Variants in NEIL3 observed in about 807,000 individuals in gnomAD.
NEIL3 encodes nei like DNA glycosylase 3, also known as endonuclease 8-like 3.
A neutral mutation model predicts 57.5 loss-of-function variants in NEIL3; 48 were observed. That is an observed-to-expected ratio of 0.83 (90% CI 0.66 to 1.06). NEIL3 has a LOEUF of 1.06. Among genes scored for constraint, NEIL3 ranks in the 50% least tolerant of loss-of-function variants. The probability of loss-of-function intolerance (pLI) is 0.00; values close to 1 mark genes in which losing one functional copy is unlikely to be tolerated. For synonymous variants in NEIL3, 261 were observed against 253.2 expected (o/e 1.03, Z -0.29); for missense variants, 717 against 739.1 (o/e 0.97, Z 0.35).
chr4:177,311,325 A>C (rs886067247), intron 1 of NEIL3, among the ~76,000 whole-genome samples: 2 of 152,114 alleles, frequency 1.3e-5, no homozygotes, highest in African/African-American at 4.8e-5. Context: ...GGAGAGATAC[A>C]CGATTCTTTA....
intron 1 of NEIL3, among the ~76,000 whole-genome samples, chr4:177,312,477 T>A (rs147590419): frequency 6.6e-6 from 1 of 152,238 alleles, no homozygotes; most frequent in Non-Finnish European, 1.5e-5. Context: ...ATTTTTAGTT[T>A]TGTTCGGTTG....
intron 4 of NEIL3, 92 bp downstream of exon 4, chr4:177,336,413 C>G: frequency 1.1e-6 from 1 of 911,994 alleles, no homozygotes; most frequent in Non-Finnish European, 1.7e-6. Context: ...TTCAGTAACA[C>G]AGTCTCATCA....
intron 2 of NEIL3, among the ~76,000 whole-genome samples, chr4:177,334,845 C>T (rs142739763): frequency 4.6e-5 from 7 of 152,268 alleles, no homozygotes; most frequent in East Asian, 1.9e-4. Context: ...ATTTGAAAGG[C>T]GGATCACAGT....
chr4:177,326,838 T>A (rs1734788360), intron 2 of NEIL3, among the ~76,000 whole-genome samples: 1 of 152,194 alleles, frequency 6.6e-6, no homozygotes, highest in Non-Finnish European at 1.5e-5. Context: ...TTTCTAATTG[T>A]TCATTTGCAG....
At chr4:177,330,146 A>G (rs1734854697) in intron 2 of NEIL3, among the ~76,000 whole-genome samples, 1 of 152,164 alleles carries the variant, frequency 6.6e-6, no homozygotes, top group Non-Finnish European at 1.5e-5. Flanking sequence ...TCCTGACCTC[A>G]GGTCATCTAC....
At chr4:177,321,011 G>A (rs1734675332) in intron 1 of NEIL3, among the ~76,000 whole-genome samples, 1 of 147,938 alleles carries the variant, frequency 6.8e-6, no homozygotes, top group South Asian at 2.2e-4. Context: ...GCTAAGTACT[G>A]TGATTGTATC....
intron 1 of NEIL3, among the ~76,000 whole-genome samples, chr4:177,315,416 T>A (rs1734556459): frequency 6.6e-6 from 1 of 152,204 alleles, no homozygotes; most frequent in Non-Finnish European, 1.5e-5. Flanking sequence ...GAGATTTTCG[T>A]CTTTATTTCA....
intron 8 of NEIL3, chr4:177,354,042 C>A: frequency 4.0e-6 from 1 of 248,866 alleles, no homozygotes; most frequent in Non-Finnish European, 7.7e-6. Flanking sequence ...CTGGGATTTA[C>A]AGGCTTGAGC....
intron 2 of NEIL3, among the ~76,000 whole-genome samples, chr4:177,324,385 A>T (rs1378178474): frequency 6.6e-6 from 1 of 152,158 alleles, no homozygotes; most frequent in Non-Finnish European, 1.5e-5. Context: ...AGGTTGGGCC[A>T]TGAATCTCCT....
rs554305327 is a variant in NEIL3 at position 177,340,836 on chromosome 4, A to C, written c.703-640A>C. 7.8e-4 allele frequency among the ~76,000 whole-genome samples: 119 copies of C among 152,330 alleles called. 3 individuals carry two copies. In the South Asian group the frequency reaches 0.025, roughly 32 times the overall value. The stretch of plus-strand genomic sequence containing the variant: ...GGAGCCTTAAATATTTGTGAGTGGA[A>C]TAAAACTGACCAAATATATCAAAAT... On this transcript the variant is annotated intron_variant, in intron 5 of 9. Transcript: ENST00000264596.
Position 177,339,804 on chromosome 4 carries a change from C to T in NEIL3, c.649C>T (p.Gln217Ter), listed in dbSNP as rs750226510. The change falls in exon 5 of 10, where the codon CAG becomes TAG. Residue 217 changes from glutamine to a stop codon, truncating the protein, a stop_gained. Transcript: ENST00000264596. LOFTEE classifies it high-confidence loss of function. The part of the protein sequence containing the change: ...AVKVCQLTDE[Q>*]IHHLMKMIRD... ...CAAGGTTTGTCAATTAACAGATGAA[C>T]AGATCCATCACCTCATGAAAATGAT... The T allele has an allele frequency of 6.2e-7, 1 of 1,613,524 alleles. No homozygotes were observed. Among genetic ancestry groups the T allele is most frequent in the Non-Finnish European group, 8.5e-7 (1 of 1,179,502 alleles).
the NEIL3 span, among the ~76,000 whole-genome samples, chr4:177,368,260 T>C: frequency 6.6e-6 from 1 of 152,202 alleles, no homozygotes; most frequent in African/African-American, 2.4e-5. Flanking sequence ...TTCCCATAAG[T>C]TCATTTTAAA....
intron 6 of NEIL3, among the ~76,000 whole-genome samples, chr4:177,342,471 C>T (rs556449691): frequency 1.3e-5 from 2 of 151,890 alleles, no homozygotes; most frequent in South Asian, 4.2e-4. Flanking sequence ...TATAAAGCAG[C>T]TGCATAGCAG....
At chr4:177,329,916 T>C (rs1734850695) in intron 2 of NEIL3, among the ~76,000 whole-genome samples, 1 of 152,166 alleles carries the variant, frequency 6.6e-6, no homozygotes, top group Admixed American at 6.5e-5. Context: ...AAAATCTTTT[T>C]TTTTTTTCTT....
At chr4:177,369,384 G>A in the NEIL3 span, among the ~76,000 whole-genome samples, 1 of 152,138 alleles carries the variant, frequency 6.6e-6, no homozygotes, top group African/African-American at 2.4e-5. Flanking sequence ...GGTATGTGAA[G>A]GAAAATGGGG....
intron 2 of NEIL3, among the ~76,000 whole-genome samples, chr4:177,332,929 T>C (rs750835746): frequency 1.3e-5 from 2 of 152,190 alleles, no homozygotes; most frequent in Non-Finnish European, 2.9e-5. Flanking sequence ...TAAGAAAATG[T>C]ATGATTTTGT....
At chr4:177,363,001 T>C (rs1182647419), downstream of NEIL3, 1 of 152,252 alleles carries the variant, frequency 6.6e-6, no homozygotes, top group African/African-American at 2.4e-5. Context: ...GCTGGGGCTA[T>C]GCCAAACCTT....
intron 7 of NEIL3, among the ~76,000 whole-genome samples, chr4:177,352,053 C>T (rs767378374): frequency 6.6e-6 from 1 of 152,190 alleles, no homozygotes; most frequent in African/African-American, 2.4e-5. Context: ...TTCAAAATAA[C>T]TCTTTATAGC....
chr4:177,323,924 C>G (rs1734733749), intron 2 of NEIL3, among the ~76,000 whole-genome samples: 1 of 152,122 alleles, frequency 6.6e-6, no homozygotes, highest in Non-Finnish European at 1.5e-5. Flanking sequence ...AACTAGTGCC[C>G]TCCCTGGAGA....
Sources: allele counts gnomAD v4.1 joint callset (sites outside exome capture counted in the v4.1 genomes callset), GRCh38; gene constraint gnomAD v4.1.1; transcripts MANE v1.5; gene names NCBI Gene and HGNC (gene_info 2026-07-23, HGNC 2026-07-21).